Variants in CREB5 observed in about 807,000 individuals in gnomAD.
CREB5 encodes the protein cyclic AMP-responsive element-binding protein 5.
CREB5 carries 19 observed loss-of-function variants against 57.1 expected under a neutral mutation model. The observed-to-expected ratio is 0.33, with a 90% confidence interval of 0.23 to 0.49. The LOEUF (loss-of-function observed/expected upper bound fraction) is 0.49, where lower values mean the gene tolerates loss of function less well. Among genes scored for constraint, CREB5 ranks in the 20% least tolerant of loss-of-function variants. The probability of loss-of-function intolerance (pLI) is 0.99; values close to 1 mark genes in which losing one functional copy is unlikely to be tolerated. For synonymous variants in CREB5, 238 were observed against 238.3 expected (o/e 1.00, Z 0.01); for missense variants, 579 against 671.6 (o/e 0.86, Z 1.52).
Position 28,645,186 on chromosome 7 carries a change from A to G in CREB5, c.465-73567A>G, listed in dbSNP as rs192255677. On this transcript the variant is annotated intron_variant, in intron 5 of 10. Coordinates refer to ENST00000357727, the MANE Select transcript of CREB5 (RefSeq NM_182898.4). ...AGGCAATGGAAAGATGATGGCCAGC[A>G]TTAAGAATAATTTTCTTTTCTTACC... 5.3e-4 allele frequency among the ~76,000 whole-genome samples: 80 copies of G among 152,352 alleles called. 1 individual carries two copies. The highest frequency in any genetic ancestry group is 1.9e-3 in the African/African-American group (79 of 41,572).
chr7:28,336,688 C>A (rs1474554269), intron 1 of CREB5, among the ~76,000 whole-genome samples: 1 of 151,810 alleles, frequency 6.6e-6, no homozygotes, highest in Non-Finnish European at 1.5e-5. Flanking sequence ...ATTACAAATT[C>A]ATTTATTTCT....
intron 5 of CREB5, among the ~76,000 whole-genome samples, chr7:28,669,322 G>C (rs1436582516): frequency 6.6e-6 from 1 of 152,218 alleles, no homozygotes; most frequent in East Asian, 1.9e-4. Context: ...ACTTTGATTT[G>C]TTAGCAATTG....
intron 7 of CREB5, among the ~76,000 whole-genome samples, chr7:28,729,730 A>G (rs1803511530): frequency 7.9e-6 from 1 of 126,434 alleles, no homozygotes; most frequent in East Asian, 2.0e-4. Flanking sequence ...ATAAAAAGCA[A>G]TGAATGAATA....
chr7:28,327,555 T>G (rs1188239812), intron 1 of CREB5, among the ~76,000 whole-genome samples: 1 of 152,270 alleles, frequency 6.6e-6, no homozygotes, highest in Non-Finnish European at 1.5e-5. Context: ...AAGATACTTA[T>G]TAATAGCATT....
At chr7:28,798,949 T>C (rs4722855) in intron 7 of CREB5, among the ~76,000 whole-genome samples, 21,971 of 152,158 alleles carry the variant, frequency 0.14, 1,994 homozygotes, top group African/African-American at 0.25. Flanking sequence ...TTCTGCAAAA[T>C]ACAGCTTAGA....
intron 1 of CREB5, among the ~76,000 whole-genome samples, chr7:28,323,523 T>C (rs1393935041): frequency 6.6e-6 from 1 of 152,154 alleles, no homozygotes; most frequent in Non-Finnish European, 1.5e-5. Context: ...AAAGTGCCCC[T>C]TCATCCTCTC....
intron 5 of CREB5, among the ~76,000 whole-genome samples, chr7:28,668,006 T>A (rs1486025056): frequency 6.6e-6 from 1 of 152,214 alleles, no homozygotes; most frequent in African/African-American, 2.4e-5. Context: ...TTAATCATAC[T>A]TCTTCTTGCA....
intron 5 of CREB5, among the ~76,000 whole-genome samples, chr7:28,682,453 G>T (rs958030249): frequency 1.3e-5 from 2 of 152,150 alleles, no homozygotes; most frequent in African/African-American, 4.8e-5. Flanking sequence ...CCACCTGGAT[G>T]GTTATTGTAA....
chr7:28,359,238 C>G (rs1342900609), intron 1 of CREB5, among the ~76,000 whole-genome samples: 1 of 119,422 alleles, frequency 8.4e-6, no homozygotes, highest in Non-Finnish European at 1.8e-5. Context: ...AAAAAAAAAG[C>G]TTTAAGTACT....
chr7:28,364,786 G>A (rs2127992743), intron 1 of CREB5, among the ~76,000 whole-genome samples: 1 of 152,252 alleles, frequency 6.6e-6, no homozygotes, highest in South Asian at 2.1e-4. Context: ...TAGAATAGCT[G>A]TCCTCCTGGC....
chr7:28,600,187 A>G (rs1027028480), intron 5 of CREB5, among the ~76,000 whole-genome samples: 1 of 151,972 alleles, frequency 6.6e-6, no homozygotes, highest in African/African-American at 2.4e-5. Flanking sequence ...CTTCTTTTAC[A>G]CTTACCTCTC....
At chr7:28,546,962 A>C (rs571334356) in intron 4 of CREB5, among the ~76,000 whole-genome samples, 2 of 152,258 alleles carry the variant, frequency 1.3e-5, no homozygotes, top group African/African-American at 4.8e-5. Context: ...CCAAGGAGTT[A>C]CAATTAACTA....
At chr7:28,648,394 G>A (rs114146027) in intron 5 of CREB5, among the ~76,000 whole-genome samples, 2,246 of 152,246 alleles carry the variant, frequency 0.015, 42 homozygotes, top group African/African-American at 0.05. Flanking sequence ...TGAACAGGCT[G>A]TATTGCCCTC....
At chr7:28,434,260 G>T (rs1292994505) in intron 1 of CREB5, among the ~76,000 whole-genome samples, 2 of 151,944 alleles carry the variant, frequency 1.3e-5, no homozygotes, top group African/African-American at 4.8e-5. Flanking sequence ...TACCTCAAAG[G>T]TATGCACTAA....
At chr7:28,577,367 T>C (rs1349188942) in intron 5 of CREB5, among the ~76,000 whole-genome samples, 1 of 151,992 alleles carries the variant, frequency 6.6e-6, no homozygotes, top group Non-Finnish European at 1.5e-5. Flanking sequence ...CAGAATAGGG[T>C]TTGGGAAGAG....
chr7:28,797,945 CTG>C (rs1436398996), intron 7 of CREB5, among the ~76,000 whole-genome samples: 2 of 124,736 alleles, frequency 1.6e-5, no homozygotes, highest in African/African-American at 6.6e-5. Flanking sequence ...TGTGGATCAA[CTG>C]TGTTTGGAAA....
rs1795128475 is a variant in CREB5, at chr7:28,560,875, C to CGTGCGTGCGTGCGCGTGCGTGCGTGCGT, written c.292-9477_292-9476insCGTGCGTGCGTGCGTGTGCGTGCGTGCG. 5.2e-4 allele frequency among the ~76,000 whole-genome samples: 10 copies of CGTGCGTGCGTGCGCGTGCGTGCGTGCGT among 19,218 alleles called. 2 individuals are homozygous for CGTGCGTGCGTGCGCGTGCGTGCGTGCGT. Among genetic ancestry groups the CGTGCGTGCGTGCGCGTGCGTGCGTGCGT allele is most frequent in the African/African-American group, 1.6e-3 (9 of 5,536 alleles). 12.6% of individuals were successfully genotyped at this position (19,218 alleles called of 152,430 possible). A position where few individuals can be genotyped will look rare whatever the true frequency, so the allele number is the denominator to read the frequency against. On this transcript the variant is annotated intron_variant, in intron 4 of 10. Coordinates refer to ENST00000357727, the MANE Select transcript of CREB5 (RefSeq NM_182898.4). Reference sequence around the variant, plus strand: ...GTGTGTGTGCGTGTGCCTGCGTGCGCGTGCGTGCGTGCGTGTGTGTGCGTG... The same window carrying CGTGCGTGCGTGCGCGTGCGTGCGTGCGT: ...GTGTGTGTGCGTGTGCCTGCGTGCGCGTGCGTGCGTGCGCGTGCGTGCGTGCGTGTGCGTGCGTGCGTGTGTGTGCGTG...
In CREB5 at chr7:28,435,625, G is replaced by T. The variant is rs940487390; in HGVS notation, c.3+22708G>T. 2.5e-5 allele frequency: 25 copies of T among 984,984 alleles called. No individual in the cohort carries two copies. The African/African-American group carries it at 3.3e-4, about 13-fold the overall frequency. The allele number at this position is 984,984 out of a possible 1,614,324, so 61.0% of individuals were successfully genotyped here. ...TTTGCAAAAGGCAAGTTTTAGTGGT[G>T]GAGTCAATTTATTTCTGAAACGATC... On this transcript the variant is annotated intron_variant, in intron 1 of 10. Coordinates refer to ENST00000357727, the MANE Select transcript of CREB5 (RefSeq NM_182898.4).
At chr7:28,510,841 G>T (rs1483564241) in intron 4 of CREB5, among the ~76,000 whole-genome samples, 2 of 152,170 alleles carry the variant, frequency 1.3e-5, no homozygotes, top group Non-Finnish European at 2.9e-5. Flanking sequence ...TTTAATAAGA[G>T]AATTGTTTCC....
Sources: allele counts gnomAD v4.1 joint callset (sites outside exome capture counted in the v4.1 genomes callset), GRCh38; gene constraint gnomAD v4.1.1; transcripts MANE v1.5; gene names NCBI Gene and HGNC (gene_info 2026-07-23, HGNC 2026-07-21).